Variants in PPEF1 observed in about 807,000 individuals in gnomAD.
PPEF1 encodes serine/threonine-protein phosphatase with EF-hands 1.
A neutral mutation model predicts 53.3 loss-of-function variants in PPEF1; 12 were observed. That is an observed-to-expected ratio of 0.23 (90% confidence interval 0.14 to 0.36). The LOEUF (loss-of-function observed/expected upper bound fraction) is 0.36. Ranked by LOEUF, PPEF1 falls within the 10% of genes least tolerant of loss-of-function variation. The pLI is 1.00. For missense variants in PPEF1, 334 were observed against 490.4 expected (o/e 0.68, Z 3.01); for synonymous variants, 165 against 176.7 (o/e 0.93, Z 0.52).
intron 6 of PPEF1, among the ~76,000 whole-genome samples, chrX:18,767,310 G>A (rs1602429677): frequency 8.9e-6 from 1 of 111,776 alleles, no homozygotes; most frequent in South Asian, 3.7e-4. Flanking sequence ...ACTTTGGGAG[G>A]CCGAGGCAGG....
chrX:18,770,968 C>G (rs781388839), intron 6 of PPEF1, among the ~76,000 whole-genome samples: 10 of 112,540 alleles, frequency 8.9e-5, no homozygotes, highest in Non-Finnish European at 1.7e-4. Flanking sequence ...TGGCTATACA[C>G]TGCAGTCACC....
intron 6 of PPEF1, among the ~76,000 whole-genome samples, chrX:18,768,782 G>A (rs985294621): frequency 3.6e-5 from 4 of 112,183 alleles, no homozygotes; most frequent in African/African-American, 1.3e-4. Flanking sequence ...AGTGGGGAAG[G>A]TTGGCTGATA....
chrX:18,786,508 G>T (rs780653903), intron 9 of PPEF1, among the ~76,000 whole-genome samples: 6 of 111,537 alleles, frequency 5.4e-5, no homozygotes, highest in Admixed American at 9.5e-5. Context: ...GTGGCCAGGC[G>T]CAGTGGCTCA....
At chrX:18,707,301 C>T (rs375894943), upstream of PPEF1, among the ~76,000 whole-genome samples, 7 of 112,029 alleles carry the variant, frequency 6.2e-5, no homozygotes, top group African/African-American at 2.3e-4. Context: ...AAAACCAAAA[C>T]AGTTAATTAT....
At chrX:18,786,833 C>CAT (rs887343938) in intron 9 of PPEF1, among the ~76,000 whole-genome samples, 6 of 100,802 alleles carry the variant, frequency 6.0e-5, no homozygotes, top group Non-Finnish European at 1.2e-4. Flanking sequence ...TACTACTAAA[C>CAT]ATATAGCTTT....
chrX:18,703,666 T>C (rs1405473445), upstream of PPEF1, among the ~76,000 whole-genome samples: 1 of 112,049 alleles, frequency 8.9e-6, no homozygotes, highest in Non-Finnish European at 1.9e-5. Context: ...GCTAATAGTC[T>C]AACAGAAATA....
chrX:18,797,888 G>C (rs1487400547), intron 10 of PPEF1, among the ~76,000 whole-genome samples: 1 of 109,440 alleles, frequency 9.1e-6, no homozygotes, highest in African/African-American at 3.3e-5. Context: ...ATTTTTAGTA[G>C]AGACGGGGTT....
At chrX:18,746,729 T>C (rs1422513697) in intron 3 of PPEF1, among the ~76,000 whole-genome samples, 1 of 111,460 alleles carries the variant, frequency 9.0e-6, no homozygotes, top group Admixed American at 9.6e-5. Context: ...AAATCGGTTA[T>C]AAGTATATAA....
At chrX:18,703,033 G>A (rs2044117818), upstream of PPEF1, among the ~76,000 whole-genome samples, 1 of 111,156 alleles carries the variant, frequency 9.0e-6, no homozygotes, top group Non-Finnish European at 1.9e-5. Flanking sequence ...AACAGAGGGT[G>A]GGAAATGGAA....
At chrX:18,725,484 G>A (rs1171990876) in intron 1 of PPEF1, among the ~76,000 whole-genome samples, 1 of 111,498 alleles carries the variant, frequency 9.0e-6, no homozygotes, top group East Asian at 2.8e-4. Flanking sequence ...AAGAGCAGTT[G>A]CTAGGTTACA....
chrX:18,770,081 G>C (rs575111674), intron 6 of PPEF1, among the ~76,000 whole-genome samples: 186 of 111,469 alleles, frequency 1.7e-3, no homozygotes, highest in Non-Finnish European at 3.0e-3. Context: ...TGTCATAGAC[G>C]GTTTGTTGCA....
chrX:18,690,730 G>A (rs948176032), intron 3 of PPEF1, among the ~76,000 whole-genome samples: 4 of 112,213 alleles, frequency 3.6e-5, no homozygotes, highest in African/African-American at 1.3e-4. Context: ...TGTTTACCAT[G>A]TTCATGAACA....
At chrX:18,675,344 C>T (rs756369949), upstream of PPEF1, among the ~76,000 whole-genome samples, 328 of 113,845 alleles carry the variant, frequency 2.9e-3, no homozygotes, top group African/African-American at 9.5e-3. Flanking sequence ...TCCCATTTTC[C>T]CAACCGGCAA....
chrX:18,720,571 GAC>G (rs2044566906), intron 1 of PPEF1, among the ~76,000 whole-genome samples: 2 of 110,118 alleles, frequency 1.8e-5, no homozygotes, highest in African/African-American at 3.3e-5. Flanking sequence ...CATCCTGGGT[GAC>G]AGAGTGAGAC....
upstream of PPEF1, among the ~76,000 whole-genome samples, chrX:18,675,117 C>A (rs867308215): frequency 8.8e-5 from 10 of 113,006 alleles, no homozygotes; most frequent in African/African-American, 2.9e-4. Context: ...TCTCGGGCTC[C>A]GGCGTTTGGG....
intron 3 of PPEF1, among the ~76,000 whole-genome samples, chrX:18,742,390 A>G (rs778453611): frequency 8.0e-5 from 9 of 111,816 alleles, no homozygotes; most frequent in Non-Finnish European, 1.7e-4. Flanking sequence ...CTTAAAAACA[A>G]CAGCCATGTT....
At chrX:18,747,462 T>G (rs1279136359) in intron 3 of PPEF1, among the ~76,000 whole-genome samples, 2 of 112,268 alleles carry the variant, frequency 1.8e-5, no homozygotes, top group Admixed American at 9.4e-5. Flanking sequence ...TCAGGCATGC[T>G]TTAAGCTATG....
intron 3 of PPEF1, chrX:18,689,016 T>C (rs1906294022): frequency 9.0e-6 from 1 of 110,910 alleles, no homozygotes; most frequent in South Asian, 3.8e-4. Context: ...GGACAGATTG[T>C]AAATGTTTCT....
At chrX:18,675,094 C>T (rs1395908657), upstream of PPEF1, among the ~76,000 whole-genome samples, 1 of 112,976 alleles carries the variant, frequency 8.9e-6, no homozygotes, top group African/African-American at 3.2e-5. Flanking sequence ...GAGGAGTTTG[C>T]GGCGGCTTCG....
Sources: gnomAD v4.1 joint callset for allele counts (sites outside exome capture counted in the v4.1 genomes callset) on GRCh38, gnomAD v4.1.1 for gene constraint, MANE v1.5 for transcripts, NCBI Gene and HGNC (gene_info 2026-07-23, HGNC 2026-07-21) for gene names.